PLEKHA2: variants seen among roughly 807,000 people sequenced by gnomAD.
PLEKHA2 encodes the protein pleckstrin homology domain containing A2, also known as pleckstrin homology domain-containing family A member 2.
A neutral mutation model predicts 53.2 loss-of-function variants in PLEKHA2; 28 were observed. The ratio of observed to expected loss-of-function variants is 0.53; its 90% CI spans 0.39 to 0.72. The LOEUF (loss-of-function observed/expected upper bound fraction) is 0.72. PLEKHA2 is among the 30% of genes least tolerant of loss of function. The pLI is 0.00. For synonymous variants in PLEKHA2, 193 were observed against 196.4 expected (o/e 0.98, Z 0.14); for missense variants, 426 against 537.9 (o/e 0.79, Z 2.06).
rs751188014 is a variant in PLEKHA2 at position 38,973,381 on chromosome 8, T to C, written c.*3598T>C. 7 of 152,002 alleles carry C rather than the reference T, an allele frequency of 4.6e-5. No homozygotes were observed. The highest frequency in any genetic ancestry group is 7.4e-5 in the Non-Finnish European group (5 of 68,020). The allele number at this position is 152,002 out of a possible 1,614,324, so 9.4% of individuals were successfully genotyped here. ...TTTATATTTCTGAATATAAATATAC[T>C]CTTATATGGGCTAAAAAGACCCCAT... is the stretch of plus-strand genomic sequence containing the variant. On this transcript the variant is annotated 3_prime_UTR_variant, in exon 12 of 12. Coordinates refer to ENST00000617275, the MANE Select transcript of PLEKHA2 (RefSeq NM_021623.2).
intron 1 of PLEKHA2, among the ~76,000 whole-genome samples, chr8:38,908,786 C>A (rs1266181748): frequency 6.6e-6 from 1 of 152,124 alleles, no homozygotes; most frequent in Non-Finnish European, 1.5e-5. Flanking sequence ...TTAAAAATAA[C>A]CTGAAAACAG....
intron 2 of PLEKHA2, among the ~76,000 whole-genome samples, chr8:38,923,732 C>A (rs1834234138): frequency 6.6e-6 from 1 of 152,024 alleles, no homozygotes; most frequent in African/African-American, 2.4e-5. Context: ...TGGGGGCCCC[C>A]CTTCATAGAG....
At chr8:38,946,332 C>A in intron 5 of PLEKHA2, 111 bp downstream of exon 5, 2 of 898,930 alleles carry the variant, frequency 2.2e-6, no homozygotes, top group East Asian at 2.7e-5. Flanking sequence ...TTCCCAGGAG[C>A]CTGGTCTGTA....
chr8:38,909,251 C>T (rs550065230), intron 1 of PLEKHA2, among the ~76,000 whole-genome samples: 7 of 152,078 alleles, frequency 4.6e-5, no homozygotes, highest in Admixed American at 3.9e-4. Context: ...TTTAATCTTT[C>T]TTTGCATCTT....
intron 1 of PLEKHA2, among the ~76,000 whole-genome samples, chr8:38,915,070 C>G (rs1202749872): frequency 6.6e-6 from 1 of 152,148 alleles, no homozygotes; most frequent in East Asian, 1.9e-4. Context: ...CCTCAGCCTC[C>G]TGAGTAGCTG....
chr8:38,914,686 C>T (rs1834005551), intron 1 of PLEKHA2, among the ~76,000 whole-genome samples: 1 of 152,206 alleles, frequency 6.6e-6, no homozygotes, highest in African/African-American at 2.4e-5. Context: ...ACCCTTGTCC[C>T]ACGTCAGCAC....
At chr8:38,941,054 TC>T (rs1277985431) in intron 3 of PLEKHA2, among the ~76,000 whole-genome samples, 21 of 104,460 alleles carry the variant, frequency 2.0e-4, no homozygotes, top group African/African-American at 7.1e-4. Context: ...ATCTAAGGTA[TC>T]TTTTTTTTTT....
chr8:38,946,311 C>A, intron 5 of PLEKHA2, 90 bp downstream of exon 5: 1 of 1,128,664 alleles, frequency 8.9e-7, no homozygotes, highest in Non-Finnish European at 1.3e-6. Flanking sequence ...ACTGAGATGG[C>A]AGCGGGGACT....
chr8:38,959,257 A>T (rs1835000347), intron 10 of PLEKHA2, among the ~76,000 whole-genome samples: 1 of 152,202 alleles, frequency 6.6e-6, no homozygotes, highest in African/African-American at 2.4e-5. Flanking sequence ...GATACAGCTA[A>T]GCTCAGTCTG....
chr8:38,916,619 G>T (rs1834067377), intron 1 of PLEKHA2, among the ~76,000 whole-genome samples: 1 of 152,104 alleles, frequency 6.6e-6, no homozygotes, highest in Non-Finnish European at 1.5e-5. Context: ...TTTTATGGCT[G>T]AATAGTACTC....
At position 38,922,405 on chromosome 8, in the gene PLEKHA2, C is replaced by A. The variant is rs753505525; in HGVS notation, c.141+4335C>A. Among the ~76,000 whole-genome samples, 1 of 152,138 alleles carries A rather than the reference C, an allele frequency of 6.6e-6. No homozygotes were observed. The highest frequency in any genetic ancestry group is 1.9e-4 in the East Asian group (1 of 5,196). On this transcript the variant is annotated intron_variant, in intron 2 of 11. Coordinates refer to ENST00000617275, the MANE Select transcript of PLEKHA2 (RefSeq NM_021623.2). The surrounding 1 kb of genome is among the most constrained non-coding windows in gnomAD (Gnocchi z 4.0). ...AAGGAAGTGGTCAGAAGTCAGGTCA[C>A]TGGGGAATGTGGAGTGCCCAACATT...
At chr8:38,951,273 T>C (rs979733289) in intron 6 of PLEKHA2, among the ~76,000 whole-genome samples, 4 of 152,048 alleles carry the variant, frequency 2.6e-5, no homozygotes, top group East Asian at 1.9e-4. Context: ...TGTGAAACCA[T>C]AGGAAATGGG....
At chr8:38,959,186 G>A (rs956303780) in intron 10 of PLEKHA2, among the ~76,000 whole-genome samples, 2 of 152,122 alleles carry the variant, frequency 1.3e-5, no homozygotes, top group South Asian at 2.1e-4. Flanking sequence ...AGACTGAAAC[G>A]TGAACCATAA....
At chr8:38,914,735 A>AG (rs1834006238) in intron 1 of PLEKHA2, among the ~76,000 whole-genome samples, 1 of 152,214 alleles carries the variant, frequency 6.6e-6, no homozygotes, top group African/African-American at 2.4e-5. Flanking sequence ...GCTCATTGAA[A>AG]GGGGCCAATC....
Position 38,957,599 on chromosome 8 carries a change from C to T in PLEKHA2, c.837+213C>T, listed in dbSNP as rs149676402. ...ATAAAATAATGAAAGCAGGTTGAGCCGCTCTACTGAGGAATGTGAGTGTGT... is the reference window on the plus strand; with the variant it reads ...ATAAAATAATGAAAGCAGGTTGAGCTGCTCTACTGAGGAATGTGAGTGTGT... On this transcript the variant is annotated intron_variant, in intron 10 of 11. Coordinates refer to ENST00000617275, the MANE Select transcript of PLEKHA2 (RefSeq NM_021623.2). Among the ~76,000 whole-genome samples, 42 of 152,254 alleles carry T rather than the reference C, an allele frequency of 2.8e-4. 1 individual carries two copies. The highest frequency in any genetic ancestry group is 9.6e-4 in the African/African-American group (40 of 41,562).
rs1296216470 is a variant in PLEKHA2, at chr8:38,906,380, A to G, written c.-24+4935A>G. ...TTTTTGGCATCTTTATTGCAGTGGT[A>G]TCAATTTCCAGTTACTCCTGCCTTA... On this transcript the variant is annotated intron_variant, in intron 1 of 11. Coordinates refer to ENST00000617275, the MANE Select transcript of PLEKHA2 (RefSeq NM_021623.2). 2.0e-5 allele frequency among the ~76,000 whole-genome samples: 3 copies of G among 152,184 alleles called. No individual in the cohort carries two copies. In the East Asian group the frequency reaches 5.8e-4, roughly 29 times the overall value.
At chr8:38,965,207 T>G (rs929387207) in intron 10 of PLEKHA2, among the ~76,000 whole-genome samples, 3 of 152,152 alleles carry the variant, frequency 2.0e-5, no homozygotes, top group African/African-American at 7.2e-5. Context: ...TTTTCTGTGA[T>G]TCTGTGATTT....
intron 9 of PLEKHA2, among the ~76,000 whole-genome samples, chr8:38,953,637 A>G (rs1834886441): frequency 1.3e-5 from 2 of 152,206 alleles, no homozygotes; most frequent in Admixed American, 6.5e-5. Context: ...GAAAGGGTAT[A>G]GAAACAAAGA....
chr8:38,950,708 T>C (rs1037322942), intron 5 of PLEKHA2, 142 bp from the exon 6 acceptor site: 18 of 955,568 alleles, frequency 1.9e-5, no homozygotes, highest in Non-Finnish European at 2.6e-5. Context: ...AGATTTGGAC[T>C]GTGGAAGGCT....
Sources: gnomAD v4.1 joint callset for allele counts (sites outside exome capture counted in the v4.1 genomes callset) on GRCh38, gnomAD v4.1.1 for gene constraint, Gnocchi (gnomAD v3.1) non-coding constraint, MANE v1.5 for transcripts, NCBI Gene and HGNC (gene_info 2026-07-23, HGNC 2026-07-21) for gene names.